Variants in ZKSCAN7 observed in about 807,000 individuals in gnomAD.
The protein encoded by ZKSCAN7 is zinc finger protein with KRAB and SCAN domains 7.
In ZKSCAN7, 38 loss-of-function variants were observed where a neutral mutation model predicts 65.3. The observed-to-expected ratio is 0.58, with a 90% CI of 0.45 to 0.76. ZKSCAN7 has a LOEUF of 0.76. Ranked by LOEUF, ZKSCAN7 falls within the 30% of genes least tolerant of loss-of-function variation. ZKSCAN7 has a pLI of 0.00. For synonymous variants in ZKSCAN7, 321 were observed against 321.0 expected, an observed-to-expected ratio of 1.00 and a Z score of 0.00; for missense variants, 815 against 913.3, an observed-to-expected ratio of 0.89 and a Z score of 1.39.
chr3:44,578,150 C>A, intron 5 of ZKSCAN7: 2 of 1,521,226 alleles, frequency 1.3e-6, no homozygotes, highest in South Asian at 1.1e-5. Flanking sequence ...GCTGCTCTTT[C>A]AACCTGCTGA....
intron 2 of ZKSCAN7, among the ~76,000 whole-genome samples, chr3:44,557,922 T>C (rs1236997604): frequency 1.3e-5 from 2 of 152,238 alleles, no homozygotes; most frequent in Admixed American, 1.3e-4. Flanking sequence ...TGTAATTATT[T>C]GTTCCTTTTG....
rs766835611 is a variant in ZKSCAN7 at position 44,571,252 on chromosome 3, C to T, written c.2142C>T (p.Thr714=). Residue 714 remains threonine (T), a synonymous_variant, in exon 6 of 6, where the codon ACC becomes ACT. Transcript: ENST00000426540. ...TTATTGTACACCAGAGAGTCCACACCGGAGAGAAACCTTATGAATGTAGTG... is the reference window on the plus strand; with the variant it reads ...TTATTGTACACCAGAGAGTCCACACTGGAGAGAAACCTTATGAATGTAGTG... The part of the protein sequence containing the change: ...SQLIVHQRVH[T]GEKPYECSEC... 43 of 1,613,706 alleles carry T rather than the reference C, an allele frequency of 2.7e-5. No homozygotes were observed. The highest frequency in any genetic ancestry group is 3.3e-4 in the Middle Eastern group (2 of 6,084).
At chr3:44,578,161 T>G in intron 5 of ZKSCAN7, 1 of 1,518,234 alleles carries the variant, frequency 6.6e-7, no homozygotes, top group Non-Finnish European at 9.1e-7. Context: ...AACCTGCTGA[T>G]GTCACAGTCA....
rs963192701 is a variant in ZKSCAN7 at position 44,565,328 on chromosome 3, GT to G, written c.424-149del. Among the ~76,000 whole-genome samples the G allele has an allele frequency of 6.8e-4, 103 of 150,508 alleles. 2 individuals carry two copies. Among genetic ancestry groups the G allele is most frequent in the Admixed American group, 3.2e-3 (49 of 15,100 alleles). Reference sequence around the variant, plus strand: ...GCAAGCTTTAGATTCTGCTTTCACAGTTTTTTTTTTCCCCCAGTAGACTGTA... The same window carrying G: ...GCAAGCTTTAGATTCTGCTTTCACAGTTTTTTTTTCCCCCAGTAGACTGTA... On this transcript the variant is annotated intron_variant, in intron 2 of 5. Coordinates refer to ENST00000426540, the MANE Select transcript of ZKSCAN7 (RefSeq NM_001288590.2).
At chr3:44,576,288 G>A (rs543867469), downstream of ZKSCAN7, among the ~76,000 whole-genome samples, 13 of 152,236 alleles carry the variant, frequency 8.5e-5, no homozygotes, top group South Asian at 2.3e-3. Flanking sequence ...TATCCACAGG[G>A]AATTGGTTCC....
intron 2 of ZKSCAN7, among the ~76,000 whole-genome samples, chr3:44,563,673 A>T (rs1699549724): frequency 7.1e-6 from 1 of 141,064 alleles, no homozygotes; most frequent in Non-Finnish European, 1.5e-5. Flanking sequence ...CCCGTGATCC[A>T]GTCACTTCCC....
chr3:44,556,068 G>T (rs1294250937), intron 1 of ZKSCAN7, among the ~76,000 whole-genome samples: 2 of 152,182 alleles, frequency 1.3e-5, no homozygotes, highest in African/African-American at 4.8e-5. Context: ...AGGTAGTTTG[G>T]GATCACTGAG....
chr3:44,565,328 G>GTT (rs963192701), intron 2 of ZKSCAN7, among the ~76,000 whole-genome samples, 159 bp from the exon 3 acceptor site: 2 of 150,420 alleles, frequency 1.3e-5, no homozygotes, highest in African/African-American at 4.9e-5. Context: ...TGCTTTCACA[G>GTT]TTTTTTTTTT....
chr3:44,558,377 T>G (rs973741855), intron 2 of ZKSCAN7, among the ~76,000 whole-genome samples: 2 of 151,870 alleles, frequency 1.3e-5, no homozygotes, highest in Non-Finnish European at 2.9e-5. Flanking sequence ...ATACAAAAAT[T>G]TGCTAGGTAG....
chr3:44,562,312 T>G (rs1699498316), intron 2 of ZKSCAN7, among the ~76,000 whole-genome samples: 1 of 152,236 alleles, frequency 6.6e-6, no homozygotes, highest in African/African-American at 2.4e-5. Flanking sequence ...GACCATGTCC[T>G]GAGGCTGCAC....
downstream of ZKSCAN7, among the ~76,000 whole-genome samples, chr3:44,572,309 T>C (rs1002318211): frequency 5.9e-5 from 9 of 151,750 alleles, no homozygotes; most frequent in South Asian, 2.1e-4. Context: ...CTGGAAGTCT[T>C]ACTACTGTTA....
chr3:44,572,204 C>T (rs892763390), downstream of ZKSCAN7: 7 of 985,304 alleles, frequency 7.1e-6, no homozygotes, highest in Non-Finnish European at 8.4e-6. Context: ...TCTTTCTCCC[C>T]TCCCCAGCTG....
chr3:44,572,346 TTGTGTGTGTGTGTGTGTGTGTG>T (rs3080634), downstream of ZKSCAN7, among the ~76,000 whole-genome samples: 15 of 143,756 alleles, frequency 1.0e-4, no homozygotes, highest in South Asian at 1.2e-3. Context: ...CGAATGGATT[TTGTGTGTGTGTGTGTGTGTGTG>T]TGTGTGTGTG....
intron 4 of ZKSCAN7, 128 bp downstream of exon 4, chr3:44,568,131 C>G (rs1213505590): frequency 1.3e-6 from 2 of 1,543,480 alleles, no homozygotes; most frequent in Admixed American, 3.8e-5. Flanking sequence ...CATTACTTCC[C>G]CTGGAGGTAA....
rs1027531148 is a variant in ZKSCAN7, at chr3:44,571,025, G to A, written c.1915G>A (p.Glu639Lys). Residue 639 changes from glutamate (E) to lysine (K), a missense_variant, in exon 6 of 6, where the codon GAG (glutamate) becomes AAG (lysine). Coordinates refer to ENST00000426540, the MANE Select transcript of ZKSCAN7 (RefSeq NM_001288590.2). Reference sequence around the variant, plus strand: ...GGGTGAAAAGCCCTATAAATGCAATGAGTGTGGAAAATCCTTCAATCAAAA... The same window carrying A: ...GGGTGAAAAGCCCTATAAATGCAATAAGTGTGGAAAATCCTTCAATCAAAA... Reference protein sequence around the residue: ...HTGEKPYKCNECGKSFNQNSH... With the variant: ...HTGEKPYKCNKCGKSFNQNSH... The A allele has an allele frequency of 5.6e-6, 9 of 1,614,102 alleles. No homozygotes were observed. The highest frequency in any genetic ancestry group is 2.7e-5 in the African/African-American group (2 of 74,928).
At chr3:44,581,080 G>C in intron 5 of ZKSCAN7, 2 of 1,136,308 alleles carry the variant, frequency 1.8e-6, no homozygotes, top group Non-Finnish European at 2.2e-6. Flanking sequence ...CGCTCCCGGC[G>C]GGCTAGGGGC....
rs761251866 is a variant in ZKSCAN7 at position 44,569,982 on chromosome 3, CAG to C, written c.875_876del (p.Glu292ValfsTer3). 6.2e-7 allele frequency: 1 copy of C among 1,600,110 alleles called. No individual in the cohort carries two copies. Among genetic ancestry groups the C allele is most frequent in the Non-Finnish European group, 8.5e-7 (1 of 1,174,570 alleles). ...CCAAAGCAGGAATTTTTTAAAGGAT[CAG>C]AGTCATCTAACAGGACATCAGGGGG... is the stretch of plus-strand genomic sequence containing the variant. On this transcript the variant is annotated frameshift_variant, in exon 6 of 6. Coordinates refer to ENST00000426540, the MANE Select transcript of ZKSCAN7 (RefSeq NM_001288590.2). LOFTEE classifies it high-confidence loss of function.
In ZKSCAN7 at chr3:44,578,347, G is replaced by A. The variant is rs1699971156; in HGVS notation, c.812-4625G>A. ...AGACTTCTAGTTCATAGGCATCCTTGCCCTGTGCAAGGGGTGACCCAGTGG... is the reference window on the plus strand; with the variant it reads ...AGACTTCTAGTTCATAGGCATCCTTACCCTGTGCAAGGGGTGACCCAGTGG... On this transcript the variant is annotated intron_variant, in intron 5 of 5. Transcript: ENST00000341840. 3 of 1,603,504 alleles carry A rather than the reference G, an allele frequency of 1.9e-6. 1 individual carries two copies. Among genetic ancestry groups the A allele is most frequent in the Non-Finnish European group, 2.6e-6 (3 of 1,170,410 alleles).
chr3:44,559,360 T>C (rs1444096873), intron 2 of ZKSCAN7, among the ~76,000 whole-genome samples: 1 of 152,186 alleles, frequency 6.6e-6, no homozygotes, highest in Non-Finnish European at 1.5e-5. Flanking sequence ...AGAGGTCCCC[T>C]CTACCCCTTT....
Sources: allele counts gnomAD v4.1 joint callset (sites outside exome capture counted in the v4.1 genomes callset), GRCh38; gene constraint gnomAD v4.1.1; transcripts MANE v1.5; gene names NCBI Gene and HGNC (gene_info 2026-07-23, HGNC 2026-07-21).